ZDHHC14: variants seen among roughly 807,000 people sequenced by gnomAD.
ZDHHC14 encodes the protein palmitoyltransferase ZDHHC14.
In ZDHHC14, 16 loss-of-function variants were observed where a neutral mutation model predicts 47.7. The observed-to-expected ratio is 0.34, with a 90% CI of 0.23 to 0.51. The LOEUF (loss-of-function observed/expected upper bound fraction) is 0.51, where lower values mean the gene tolerates loss of function less well. Ranked by LOEUF, ZDHHC14 falls within the 20% of genes least tolerant of loss-of-function variation. The pLI is 0.97. For synonymous variants in ZDHHC14, 293 were observed against 278.9 expected, an observed-to-expected ratio of 1.05 and a Z score of -0.50; for missense variants, 515 against 662.5, an observed-to-expected ratio of 0.78 and a Z score of 2.44.
At chr6:157,491,126 A>T (rs763571653) in intron 1 of ZDHHC14, among the ~76,000 whole-genome samples, 1 of 152,160 alleles carries the variant, frequency 6.6e-6, no homozygotes, top group Non-Finnish European at 1.5e-5. Context: ...ACTGCGTCAG[A>T]CAGTACCCTT....
chr6:157,445,879 T>A (rs1243144195), intron 1 of ZDHHC14, among the ~76,000 whole-genome samples: 1 of 152,086 alleles, frequency 6.6e-6, no homozygotes, highest in Non-Finnish European at 1.5e-5. Context: ...CAACTTAATA[T>A]CCTTCTCCCA....
At chr6:157,519,336 A>C (rs904210353) in intron 1 of ZDHHC14, among the ~76,000 whole-genome samples, 3 of 151,782 alleles carry the variant, frequency 2.0e-5, no homozygotes, top group Non-Finnish European at 4.4e-5. Flanking sequence ...GCCAGGAATA[A>C]TGTCTGTTTT....
intron 4 of ZDHHC14, chr6:157,630,286 T>C (rs574252731): frequency 6.6e-6 from 1 of 152,318 alleles, no homozygotes; most frequent in African/African-American, 2.4e-5. Context: ...GGCCTAGACA[T>C]TGTATTTTTA....
Position 157,676,481 on chromosome 6 carries a change from G to A in ZDHHC14, c.*3359G>A, listed in dbSNP as rs2115022376. ...ATTGCCAGCTGTGGTTCCAAGTGAG[G>A]AGCAAACCCATTTTATGAGCCATGT... On this transcript the variant is annotated 3_prime_UTR_variant, in exon 9 of 9. Coordinates refer to ENST00000359775, the MANE Select transcript of ZDHHC14 (RefSeq NM_024630.3). The A allele has an allele frequency of 6.6e-6, 1 of 152,562 alleles. No homozygotes were observed. The highest frequency in any genetic ancestry group is 1.9e-4 in the East Asian group (1 of 5,186). The allele number at this position is 152,562 out of a possible 1,614,324, so 9.5% of individuals were successfully genotyped here.
chr6:157,550,582 C>T (rs1245180970), intron 2 of ZDHHC14, among the ~76,000 whole-genome samples: 1 of 150,874 alleles, frequency 6.6e-6, no homozygotes, highest in East Asian at 1.9e-4. Flanking sequence ...CGGTGTCACA[C>T]AGACACTCTA....
intron 1 of ZDHHC14, among the ~76,000 whole-genome samples, chr6:157,422,682 T>C (rs1017361306): frequency 6.6e-6 from 1 of 152,204 alleles, no homozygotes; most frequent in Non-Finnish European, 1.5e-5. Flanking sequence ...CTACTCTCCA[T>C]GATCAGGACG....
chr6:157,429,132 G>C (rs1778285146), intron 1 of ZDHHC14, among the ~76,000 whole-genome samples: 1 of 152,166 alleles, frequency 6.6e-6, no homozygotes, highest in African/African-American at 2.4e-5. Context: ...AAACATTTCT[G>C]GGGGACAGGC....
intron 2 of ZDHHC14, among the ~76,000 whole-genome samples, chr6:157,562,570 G>A (rs1306691947): frequency 2.6e-5 from 4 of 152,106 alleles, no homozygotes; most frequent in African/African-American, 9.7e-5. Context: ...CAGAGAGGGA[G>A]GGGACCCTAA....
chr6:157,591,675 G>A (rs141414521), intron 2 of ZDHHC14, among the ~76,000 whole-genome samples: 1,819 of 152,294 alleles, frequency 0.012, 38 homozygotes, highest in African/African-American at 0.042. Flanking sequence ...TCTGACAGCA[G>A]GACCAGGATC....
At chr6:157,390,844 A>G (rs763392836) in intron 1 of ZDHHC14, among the ~76,000 whole-genome samples, 24 of 152,188 alleles carry the variant, frequency 1.6e-4, no homozygotes, top group Non-Finnish European at 3.2e-4. Flanking sequence ...TCCAACATCT[A>G]CATCATCTCT....
intron 3 of ZDHHC14, among the ~76,000 whole-genome samples, chr6:157,603,385 G>A (rs1164084309): frequency 2.0e-5 from 3 of 152,222 alleles, no homozygotes; most frequent in Non-Finnish European, 4.4e-5. Context: ...TTCCCGTAAA[G>A]GGGAGAAATG....
chr6:157,489,302 G>T (rs931225859), intron 1 of ZDHHC14, among the ~76,000 whole-genome samples: 6 of 152,166 alleles, frequency 3.9e-5, no homozygotes, highest in African/African-American at 1.2e-4. Flanking sequence ...AAACTCATGC[G>T]CAATCACTTC....
chr6:157,442,417 G>A (rs1252191821), intron 1 of ZDHHC14, among the ~76,000 whole-genome samples: 2 of 152,076 alleles, frequency 1.3e-5, no homozygotes, highest in African/African-American at 2.4e-5. Context: ...ACTTCCATAC[G>A]CTACATTCAT....
intron 2 of ZDHHC14, among the ~76,000 whole-genome samples, chr6:157,572,034 GGA>G (rs1783119125): frequency 6.6e-6 from 1 of 152,062 alleles, no homozygotes; most frequent in Non-Finnish European, 1.5e-5. Context: ...GGGGCTGGGA[GGA>G]GACGCTGAGA....
intron 8 of ZDHHC14, among the ~76,000 whole-genome samples, chr6:157,668,745 T>A (rs1778663998): frequency 6.6e-6 from 1 of 152,110 alleles, no homozygotes; most frequent in Non-Finnish European, 1.5e-5. Context: ...AGGCTAAACT[T>A]CTTCTTTCAC....
In ZDHHC14 at chr6:157,673,389, C is replaced by T. The variant is rs963225728; in HGVS notation, c.*267C>T. The T allele has an allele frequency of 9.0e-5, 47 of 519,812 alleles. No homozygotes were observed. The highest frequency in any genetic ancestry group is 1.4e-4 in the Non-Finnish European group (41 of 302,732). The allele number at this position is 519,812 out of a possible 1,614,324, so 32.2% of individuals were successfully genotyped here. On this transcript the variant is annotated 3_prime_UTR_variant, in exon 9 of 9. Coordinates refer to ENST00000359775, the MANE Select transcript of ZDHHC14 (RefSeq NM_024630.3). The surrounding 1 kb of genome is among the most constrained non-coding windows in gnomAD (Gnocchi z 5.4). ...GTGGCTGCTTTCTTTTGGTGACCCT[C>T]CAGGGGTGGAATCGGAGTGTGTCTG...
chr6:157,626,047 T>TA (rs1785398093), intron 3 of ZDHHC14, among the ~76,000 whole-genome samples: 1 of 152,182 alleles, frequency 6.6e-6, no homozygotes, highest in African/African-American at 2.4e-5. Flanking sequence ...TAGCTGTTAT[T>TA]AAACTTTCTA....
intron 2 of ZDHHC14, among the ~76,000 whole-genome samples, chr6:157,576,449 G>C (rs903067181): frequency 5.9e-5 from 9 of 152,166 alleles, no homozygotes; most frequent in African/African-American, 2.2e-4. Flanking sequence ...GAAGTTTACA[G>C]ACTGTAAGCC....
chr6:157,568,284 A>T (rs182449482), intron 2 of ZDHHC14, among the ~76,000 whole-genome samples: 1 of 152,366 alleles, frequency 6.6e-6, no homozygotes, highest in East Asian at 1.9e-4. Context: ...AGAATAAAGA[A>T]GAAAATGAAA....
Sources: gnomAD v4.1 joint callset for allele counts (sites outside exome capture counted in the v4.1 genomes callset) on GRCh38, gnomAD v4.1.1 for gene constraint, Gnocchi (gnomAD v3.1) non-coding constraint, MANE v1.5 for transcripts, NCBI Gene and HGNC (gene_info 2026-07-23, HGNC 2026-07-21) for gene names.